TENT5D: variants seen among roughly 807,000 people sequenced by gnomAD.
TENT5D encodes the protein cancer/testis antigen 112.
For synonymous variants in TENT5D, 103 were observed against 100.6 expected, an observed-to-expected ratio of 1.02 and a Z score of -0.15; for missense variants, 191 against 287.0, an observed-to-expected ratio of 0.67 and a Z score of 2.42.
intron 3 of TENT5D, among the ~76,000 whole-genome samples, chrX:80,372,134 T>C (rs894835854): frequency 9.0e-6 from 1 of 111,298 alleles, no homozygotes; most frequent in African/African-American, 3.3e-5. Flanking sequence ...ACTTGCATTA[T>C]TTTAGGCAGA....
At chrX:80,421,569 A>G (rs1166979700) in intron 1 of TENT5D, among the ~76,000 whole-genome samples, 3 of 112,858 alleles carry the variant, frequency 2.7e-5, no homozygotes, top group Non-Finnish European at 5.6e-5. Context: ...AGTAAAGTTT[A>G]GAAAAATAAT....
At chrX:80,359,327 T>A (rs768461545) in intron 3 of TENT5D, among the ~76,000 whole-genome samples, 1 of 111,703 alleles carries the variant, frequency 9.0e-6, no homozygotes, top group African/African-American at 3.3e-5. Context: ...TATAAATCAT[T>A]CTACTATAAA....
At chrX:80,340,666 T>A (rs969299437) in intron 2 of TENT5D, among the ~76,000 whole-genome samples, 4 of 111,329 alleles carry the variant, frequency 3.6e-5, no homozygotes, top group Non-Finnish European at 7.5e-5. Flanking sequence ...CTGTAGACAT[T>A]TCGGTCTGTA....
chrX:80,409,276 G>T (rs1197123729), intron 3 of TENT5D, among the ~76,000 whole-genome samples: 1 of 110,519 alleles, frequency 9.0e-6, no homozygotes. Context: ...AGGAAATAAA[G>T]GGTATTCAAT....
intron 1 of TENT5D, among the ~76,000 whole-genome samples, chrX:80,425,734 A>C (rs906730207): frequency 1.8e-5 from 2 of 112,156 alleles, no homozygotes; most frequent in African/African-American, 6.5e-5. Flanking sequence ...ATATGTTAAT[A>C]ATATTTACTG....
intron 3 of TENT5D, among the ~76,000 whole-genome samples, chrX:80,397,811 C>T (rs1282015439): frequency 2.7e-5 from 3 of 112,224 alleles, no homozygotes; most frequent in East Asian, 2.8e-4. Context: ...CGCCTGCAAT[C>T]GCAGGCACTC....
intron 3 of TENT5D, among the ~76,000 whole-genome samples, chrX:80,381,509 G>C (rs771190604): frequency 2.7e-5 from 3 of 111,846 alleles, no homozygotes; most frequent in East Asian, 5.6e-4. Context: ...GACCTGCCTT[G>C]CTAGGTTGGG....
intron 3 of TENT5D, among the ~76,000 whole-genome samples, chrX:80,358,444 G>A (rs1275372038): frequency 9.0e-6 from 1 of 111,712 alleles, no homozygotes; most frequent in Non-Finnish European, 1.9e-5. Context: ...TCTCTAAAAT[G>A]GAATAAAAAG....
intron 2 of TENT5D, among the ~76,000 whole-genome samples, chrX:80,439,808 A>G (rs1005470281): frequency 4.0e-5 from 4 of 100,701 alleles, no homozygotes; most frequent in African/African-American, 1.4e-4. Context: ...GTATATATGT[A>G]TCACAAATTT....
intron 2 of TENT5D, among the ~76,000 whole-genome samples, chrX:80,341,542 A>G (rs186311296): frequency 4.8e-4 from 54 of 111,393 alleles, no homozygotes; most frequent in African/African-American, 1.4e-3. Flanking sequence ...GGACAAGATC[A>G]GTGTATAAGG....
At chrX:80,441,967 G>T (rs1213755215) in intron 2 of TENT5D, among the ~76,000 whole-genome samples, 1 of 111,066 alleles carries the variant, frequency 9.0e-6, no homozygotes, top group African/African-American at 3.2e-5. Flanking sequence ...TACTCTAACA[G>T]AAGACTTCAG....
At chrX:80,416,416 T>C (rs185253259), upstream of TENT5D, among the ~76,000 whole-genome samples, 49 of 109,332 alleles carry the variant, frequency 4.5e-4, no homozygotes, top group African/African-American at 1.5e-3. Context: ...CCTAACGTTT[T>C]GATGTCATCG....
At chrX:80,422,197 G>C (rs1051375603) in intron 1 of TENT5D, among the ~76,000 whole-genome samples, 1 of 110,723 alleles carries the variant, frequency 9.0e-6, no homozygotes, top group Non-Finnish European at 1.9e-5. Context: ...TTTCATGGCT[G>C]GGTGCAGTGG....
intron 3 of TENT5D, among the ~76,000 whole-genome samples, chrX:80,405,366 C>T (rs970877579): frequency 1.8e-5 from 2 of 112,267 alleles, no homozygotes; most frequent in Non-Finnish European, 3.8e-5. Flanking sequence ...CTAGGGAGTG[C>T]CAGACAGTGG....
chrX:80,349,243 C>T (rs1200740945), intron 3 of TENT5D, among the ~76,000 whole-genome samples: 1 of 111,708 alleles, frequency 9.0e-6, no homozygotes, highest in Non-Finnish European at 1.9e-5. Context: ...GTACCAGCTC[C>T]TCTTTGTACC....
intron 3 of TENT5D, among the ~76,000 whole-genome samples, chrX:80,401,456 T>C (rs1193460590): frequency 8.9e-6 from 1 of 111,798 alleles, no homozygotes; most frequent in Non-Finnish European, 1.9e-5. Flanking sequence ...GTTGAATAGA[T>C]GTGGTAAAAG....
intron 3 of TENT5D, among the ~76,000 whole-genome samples, chrX:80,356,883 G>T (rs1168320058): frequency 2.7e-5 from 3 of 110,774 alleles, no homozygotes; most frequent in Non-Finnish European, 5.7e-5. Context: ...TTAACATTAG[G>T]TATATCTCCT....
chrX:80,419,544 A>G (rs746393645), upstream of TENT5D, among the ~76,000 whole-genome samples: 1 of 112,199 alleles, frequency 8.9e-6, no homozygotes, highest in African/African-American at 3.2e-5. Flanking sequence ...CTATTTGCCT[A>G]TCTTTGTAAT....
At chrX:80,439,909 G>A (rs1276534371) in intron 2 of TENT5D, among the ~76,000 whole-genome samples, 4 of 110,343 alleles carry the variant, frequency 3.6e-5, no homozygotes, top group Non-Finnish European at 7.6e-5. Context: ...TAGTGACATG[G>A]TAACTCAGAA....
Sources: allele counts gnomAD v4.1 joint callset (sites outside exome capture counted in the v4.1 genomes callset), GRCh38; gene constraint gnomAD v4.1.1; transcripts MANE v1.5; gene names NCBI Gene and HGNC (gene_info 2026-07-23, HGNC 2026-07-21).